The following ZNF718 variants were observed in gnomAD, a reference collection of about 807,000 sequenced individuals.
The protein encoded by ZNF718 is zinc finger protein 718.
A neutral mutation model predicts 2.6 loss-of-function variants in ZNF718; 3 were observed. That is an observed-to-expected ratio of 1.16 (90% CI 0.53 to 3.01). ZNF718 has a LOEUF of 3.01. Among genes scored for constraint, ZNF718 ranks in the 30% most tolerant of loss-of-function variants. The pLI is 0.03. For synonymous variants in ZNF718, 135 were observed against 77.9 expected, an observed-to-expected ratio of 1.73 and a Z score of -3.86; for missense variants, 468 against 230.0, an observed-to-expected ratio of 2.03 and a Z score of -6.69.
chr4:124,698 C>T, intron 1 of ZNF718, 25 bp downstream of exon 1: 7 of 1,608,844 alleles, frequency 4.4e-6, no homozygotes, highest in Non-Finnish European at 5.9e-6. Context: ...CAGGGCGTCC[C>T]AAGGCTGTGG....
At chr4:195,596 TG>T (rs1717774933) in intron 3 of ZNF718, among the ~76,000 whole-genome samples, 4 of 152,246 alleles carry the variant, frequency 2.6e-5, no homozygotes, top group Admixed American at 2.0e-4. Context: ...TTTTTTTTTT[TG>T]ACTTAGGATA....
chr4:169,370 C>T (rs143674421), intron 3 of ZNF718, among the ~76,000 whole-genome samples: 551 of 152,196 alleles, frequency 3.6e-3, no homozygotes, highest in African/African-American at 0.013. Context: ...ATTAGGTCTG[C>T]TTGGTGCAGG....
intron 3 of ZNF718, among the ~76,000 whole-genome samples, chr4:143,914 C>T (rs1258503558): frequency 1.3e-5 from 2 of 152,116 alleles, no homozygotes; most frequent in African/African-American, 4.8e-5. Flanking sequence ...AGACCGTTGA[C>T]CCCCCCGTCT....
intron 3 of ZNF718, chr4:136,521 T>C (rs568752074): frequency 3.9e-5 from 20 of 518,750 alleles, no homozygotes; most frequent in Non-Finnish European, 7.4e-5. Context: ...TCTGCAGCCA[T>C]GTCTATGGGC....
intron 3 of ZNF718, among the ~76,000 whole-genome samples, chr4:199,763 G>A (rs548052944): frequency 1.3e-5 from 2 of 152,256 alleles, no homozygotes; most frequent in East Asian, 3.9e-4. Context: ...TCTCTTCTTG[G>A]TCATCACCTC....
At position 171,295 on chromosome 4, in the gene ZNF718, C is replaced by T. The variant is rs1008289086; in HGVS notation, c.227-29786C>T. Among the ~76,000 whole-genome samples, 9 of 152,248 alleles carry T rather than the reference C, an allele frequency of 5.9e-5. 1 individual carries two copies. Among genetic ancestry groups the T allele is most frequent in the Middle Eastern group, 6.8e-3 (2 of 294 alleles). On this transcript the variant is annotated intron_variant and NMD_transcript_variant, in intron 3 of 4. Transcript: ENST00000642529. ...AGTTAGGCTACTTGGGAGTCAGGGA[C>T]GCACTTGAGGAGGCACTCTGTCTGT... is the stretch of plus-strand genomic sequence containing the variant.
rs1216063503 is a variant in ZNF718, at chr4:136,266, G to A, written c.226+4761G>A. On this transcript the variant is annotated intron_variant, in intron 3 of 3. Coordinates refer to ENST00000510175, the MANE Select transcript of ZNF718 (RefSeq NM_001039127.6). ...TTTTCACAGGTCTCTCTGAGTCCCT[G>A]AGTGTGTACAACTGGCCATGGACTG... The A allele has an allele frequency of 4.3e-5, 19 of 438,704 alleles. 1 individual carries two copies. The highest frequency in any genetic ancestry group is 7.1e-4 in the Middle Eastern group (2 of 2,816). The allele number at this position is 438,704 out of a possible 1,614,324, so 27.2% of individuals were successfully genotyped here.
intron 3 of ZNF718, among the ~76,000 whole-genome samples, chr4:145,064 ACTAACC>A (rs1715990129): frequency 1.3e-5 from 2 of 151,660 alleles, no homozygotes; most frequent in Admixed American, 1.3e-4. Flanking sequence ...GAATAATGAT[ACTAACC>A]CTTTCATGAG....
At chr4:125,361 G>C (rs1245746404) in intron 1 of ZNF718, 11 of 152,544 alleles carry the variant, frequency 7.2e-5, no homozygotes, top group African/African-American at 2.4e-4. Context: ...TGTAGGCAGG[G>C]GTTCAGAAAT....
Position 195,187 on chromosome 4 carries a change from C to T in ZNF718, c.227-5894C>T, listed in dbSNP as rs193084025. 1.7e-3 allele frequency among the ~76,000 whole-genome samples: 266 copies of T among 152,314 alleles called. 1 individual carries two copies. Among genetic ancestry groups the T allele is most frequent in the South Asian group, 0.016 (76 of 4,830 alleles). ...CAACAGTTCTTATGCAAATTCATTT[C>T]AGAGAGGGTGTAGGTAACCTTTTGA... On this transcript the variant is annotated intron_variant and NMD_transcript_variant, in intron 3 of 4. Coordinates refer to the ZNF718 transcript ENST00000642529.
intron 3 of ZNF718, among the ~76,000 whole-genome samples, chr4:193,808 T>C (rs971848714): frequency 1.3e-5 from 2 of 152,320 alleles, no homozygotes; most frequent in East Asian, 3.9e-4. Context: ...GTCCTGCTGC[T>C]GGATCATCTG....
chr4:144,441 C>G (rs747630465), intron 3 of ZNF718, among the ~76,000 whole-genome samples: 14 of 152,180 alleles, frequency 9.2e-5, no homozygotes, highest in Non-Finnish European at 1.5e-5. Flanking sequence ...AATTCAAATA[C>G]TATGATTCCT....
Position 163,019 on chromosome 4 carries a change from C to T in ZNF718, c.*897C>T, listed in dbSNP as rs1180945374. The T allele has an allele frequency of 6.6e-6, 1 of 151,886 alleles. No homozygotes were observed. The highest frequency in any genetic ancestry group is 2.4e-5 in the African/African-American group (1 of 41,332). The allele number at this position is 151,886 out of a possible 1,614,324, so 9.4% of individuals were successfully genotyped here. ...AAGGAGTAGCTTTTTGAAATTATTC[C>T]ATTGAAATTATACTTTTTTTACCTG... On this transcript the variant is annotated 3_prime_UTR_variant, in exon 4 of 4. Coordinates refer to ENST00000510175, the MANE Select transcript of ZNF718 (RefSeq NM_001039127.6).
At chr4:152,915 CAT>C in intron 3 of ZNF718, among the ~76,000 whole-genome samples, 1 of 134,694 alleles carries the variant, frequency 7.4e-6, no homozygotes, top group East Asian at 2.3e-4. Context: ...CTATGCAAAA[CAT>C]TTTTAGTTTT....
intron 3 of ZNF718, among the ~76,000 whole-genome samples, chr4:144,512 A>G (rs1715961075): frequency 1.3e-5 from 2 of 152,144 alleles, no homozygotes; most frequent in Admixed American, 6.5e-5. Context: ...GTCTGTCTAC[A>G]TTATAAGATT....
intron 3 of ZNF718, among the ~76,000 whole-genome samples, chr4:144,963 C>G (rs1465063059): frequency 1.3e-5 from 2 of 151,160 alleles, no homozygotes; most frequent in Non-Finnish European, 2.9e-5. Context: ...TTCTATATGT[C>G]TCTTTTGTTT....
intron 3 of ZNF718, among the ~76,000 whole-genome samples, chr4:156,854 G>T (rs1716588772): frequency 6.6e-6 from 1 of 151,954 alleles, no homozygotes; most frequent in South Asian, 2.1e-4. Context: ...AGAGACATTT[G>T]CATTACTTTC....
chr4:182,987 G>A (rs1323165472), intron 3 of ZNF718, among the ~76,000 whole-genome samples: 2 of 152,140 alleles, frequency 1.3e-5, no homozygotes, highest in African/African-American at 4.8e-5. Flanking sequence ...TTTCTGTGCA[G>A]AAGCTCTTTA....
intron 3 of ZNF718, among the ~76,000 whole-genome samples, chr4:152,536 C>CT (rs1295189471): frequency 2.0e-5 from 3 of 151,056 alleles, no homozygotes; most frequent in Admixed American, 6.6e-5. Context: ...CCATTCAACT[C>CT]TGAGTTGACA....
Sources: gnomAD v4.1 joint callset for allele counts (sites outside exome capture counted in the v4.1 genomes callset) on GRCh38, gnomAD v4.1.1 for gene constraint, MANE v1.5 for transcripts, NCBI Gene and HGNC (gene_info 2026-07-23, HGNC 2026-07-21) for gene names.